Variants in METTL15 observed in about 807,000 individuals in gnomAD.
METTL15 encodes the protein 12S rRNA N(4)-cytidine methyltransferase METTL15.
Under a neutral mutation model 38.3 loss-of-function variants are expected in METTL15, and 34 were observed. The observed-to-expected ratio is 0.89, with a 90% CI of 0.68 to 1.18. The LOEUF is 1.18. METTL15 is among the 50% of genes most tolerant of loss of function. The pLI is 0.00. For synonymous variants in METTL15, 162 were observed against 170.9 expected (o/e 0.95, Z 0.41); for missense variants, 438 against 498.4 (o/e 0.88, Z 1.15).
At chr11:28,349,043 G>A (rs1280712736) in intron 3 of METTL15, among the ~76,000 whole-genome samples, 4 of 152,070 alleles carry the variant, frequency 2.6e-5, no homozygotes, top group Non-Finnish European at 5.9e-5. Context: ...ATTACTCTTA[G>A]GCTGTTTCAG....
At chr11:28,413,994 T>C (rs1322255631) in intron 5 of METTL15, among the ~76,000 whole-genome samples, 1 of 152,172 alleles carries the variant, frequency 6.6e-6, no homozygotes, top group Non-Finnish European at 1.5e-5. Context: ...CAAGGCATTA[T>C]ATTATCCATC....
intron 6 of METTL15, among the ~76,000 whole-genome samples, chr11:28,474,053 A>G (rs1166816897): frequency 6.6e-6 from 1 of 152,014 alleles, no homozygotes; most frequent in Non-Finnish European, 1.5e-5. Context: ...AGCAGTGAGC[A>G]CCAAGGCAGC....
chr11:28,525,748 G>A (rs988346248), intron 6 of METTL15, among the ~76,000 whole-genome samples: 3 of 152,256 alleles, frequency 2.0e-5, no homozygotes, highest in Non-Finnish European at 4.4e-5. Context: ...AGTGGATCCC[G>A]CACCGGGGCC....
At chr11:28,480,175 T>C (rs1026580251) in intron 6 of METTL15, among the ~76,000 whole-genome samples, 5 of 152,234 alleles carry the variant, frequency 3.3e-5, no homozygotes, top group Non-Finnish European at 5.9e-5. Context: ...TAATCTGCAT[T>C]ATTAACATTT....
rs534527000 is a variant in METTL15, at chr11:28,186,174, G to T, written c.271-24888G>T. The stretch of plus-strand genomic sequence containing the variant: ...ATCATCCACTATAATAAATGCCATG[G>T]TCAAGTAAGATAAGAACTGTATTTT... On this transcript the variant is annotated intron_variant, in intron 3 of 6. Transcript: ENST00000407364. Among the ~76,000 whole-genome samples, 5 of 151,068 alleles carry T rather than the reference G, an allele frequency of 3.3e-5. No homozygotes were observed. In the South Asian group the frequency reaches 1.0e-3, roughly 31 times the overall value.
chr11:28,170,887 G>T (rs1387950860), intron 3 of METTL15, among the ~76,000 whole-genome samples: 1 of 152,086 alleles, frequency 6.6e-6, no homozygotes, highest in African/African-American at 2.4e-5. Context: ...CTCATCCTGT[G>T]ACTTACAATG....
chr11:28,465,252 TTTC>T (rs1191392487), intron 6 of METTL15, among the ~76,000 whole-genome samples: 10 of 152,190 alleles, frequency 6.6e-5, no homozygotes, highest in African/African-American at 1.7e-4. Context: ...TCTCTTGAGT[TTTC>T]TTCTTCTTTC....
chr11:28,372,669 G>A (rs1339135724), intron 5 of METTL15, among the ~76,000 whole-genome samples: 1 of 149,486 alleles, frequency 6.7e-6, no homozygotes, highest in Non-Finnish European at 1.5e-5. Context: ...TGCACATTGT[G>A]CAGGTTAGTT....
chr11:28,379,591 T>C (rs1375756419), intron 5 of METTL15, among the ~76,000 whole-genome samples: 1 of 152,170 alleles, frequency 6.6e-6, no homozygotes, highest in African/African-American at 2.4e-5. Context: ...TAATTACTAC[T>C]TTTTATAACT....
intron 3 of METTL15, among the ~76,000 whole-genome samples, chr11:28,345,181 T>C (rs1238861755): frequency 6.6e-6 from 1 of 152,162 alleles, no homozygotes; most frequent in Non-Finnish European, 1.5e-5. Flanking sequence ...ATCTTTTCTT[T>C]TTTTGTTGTT....
chr11:28,251,816 G>A (rs1428368867), intron 4 of METTL15, among the ~76,000 whole-genome samples: 1 of 151,890 alleles, frequency 6.6e-6, no homozygotes, highest in Non-Finnish European at 1.5e-5. Flanking sequence ...TCAGCCCATG[G>A]GGACCTCCCA....
chr11:28,412,658 C>T (rs1850738404), intron 5 of METTL15, among the ~76,000 whole-genome samples: 1 of 151,950 alleles, frequency 6.6e-6, no homozygotes, highest in African/African-American at 2.4e-5. Flanking sequence ...TATTGCATGA[C>T]TTCACTGATA....
intron 3 of METTL15, among the ~76,000 whole-genome samples, chr11:28,124,785 A>C (rs1852403174): frequency 6.6e-6 from 1 of 152,110 alleles, no homozygotes; most frequent in African/African-American, 2.4e-5. Flanking sequence ...TTTGTAGCAG[A>C]AATATGAAAG....
intron 3 of METTL15, among the ~76,000 whole-genome samples, chr11:28,129,817 G>A (rs1349389841): frequency 6.6e-6 from 1 of 152,104 alleles, no homozygotes; most frequent in Non-Finnish European, 1.5e-5. Flanking sequence ...GGGATCTGGG[G>A]ATTGCTAAAA....
intron 4 of METTL15, among the ~76,000 whole-genome samples, chr11:28,269,471 T>G (rs1855559166): frequency 6.6e-6 from 1 of 152,130 alleles, no homozygotes; most frequent in African/African-American, 2.4e-5. Context: ...TCTCAAAAAC[T>G]GAGTGTCATA....
chr11:28,300,451 T>C (rs1341691199), intron 6 of METTL15, among the ~76,000 whole-genome samples: 4 of 152,156 alleles, frequency 2.6e-5, no homozygotes, highest in Non-Finnish European at 5.9e-5. Context: ...ATTAAGCTGT[T>C]AATTGTAAAA....
At chr11:28,111,652 C>T (rs1851724308) in intron 2 of METTL15, among the ~76,000 whole-genome samples, 1 of 152,144 alleles carries the variant, frequency 6.6e-6, no homozygotes, top group Non-Finnish European at 1.5e-5. Context: ...TTTAGCTTTA[C>T]GGCTCTCTAG....
intron 6 of METTL15, among the ~76,000 whole-genome samples, chr11:28,461,283 A>G (rs1462130485): frequency 6.6e-6 from 1 of 152,114 alleles, no homozygotes; most frequent in African/African-American, 2.4e-5. Context: ...GCTTTGTATC[A>G]GTCTTCTTAG....
chr11:28,199,063 A>G (rs1453644634), intron 3 of METTL15, among the ~76,000 whole-genome samples: 1 of 152,048 alleles, frequency 6.6e-6, no homozygotes, highest in East Asian at 1.9e-4. Flanking sequence ...AATTATGTCA[A>G]AGGAGCATCC....
Sources: allele counts gnomAD v4.1 joint callset (sites outside exome capture counted in the v4.1 genomes callset), GRCh38; gene constraint gnomAD v4.1.1; transcripts MANE v1.5; gene names NCBI Gene and HGNC (gene_info 2026-07-23, HGNC 2026-07-21).